The following NREP variants were observed in gnomAD, a reference collection of about 807,000 sequenced individuals.
NREP encodes the protein neuronal regeneration related protein.
NREP carries 5 observed loss-of-function variants against 8.6 expected under a neutral mutation model. That is an observed-to-expected ratio of 0.58 (90% CI 0.30 to 1.22). NREP has a LOEUF of 1.22. NREP is among the 50% of genes most tolerant of loss of function. The pLI is 0.07. For synonymous variants in NREP, 27 were observed against 28.0 expected, an observed-to-expected ratio of 0.96 and a Z score of 0.11; for missense variants, 86 against 82.5, an observed-to-expected ratio of 1.04 and a Z score of -0.17.
At chr5:111,833,647 TGTTTGAA>T (rs1217701239) in intron 2 of NREP, among the ~76,000 whole-genome samples, 1 of 152,194 alleles carries the variant, frequency 6.6e-6, no homozygotes, top group Non-Finnish European at 1.5e-5. Context: ...CTCATCCTAT[TGTTTGAA>T]GTTCTGATGG....
chr5:111,807,892 A>G (rs1260732097), intron 2 of NREP, among the ~76,000 whole-genome samples: 1 of 151,570 alleles, frequency 6.6e-6, no homozygotes, highest in Admixed American at 6.6e-5. Context: ...TGAAGATGGT[A>G]CTTGAAAGAG....
chr5:111,905,410 T>C (rs1406649467), intron 2 of NREP, among the ~76,000 whole-genome samples: 10 of 152,142 alleles, frequency 6.6e-5, no homozygotes, highest in Non-Finnish European at 1.3e-4. Flanking sequence ...TAAATAAGTA[T>C]TGATTTTTAA....
intron 2 of NREP, among the ~76,000 whole-genome samples, chr5:111,741,251 C>T (rs1581053915): frequency 6.6e-6 from 1 of 152,258 alleles, no homozygotes; most frequent in South Asian, 2.1e-4. Context: ...GGGTATATTT[C>T]ATAATCTTTC....
intron 2 of NREP, among the ~76,000 whole-genome samples, chr5:111,932,969 G>T (rs1755582576): frequency 6.6e-6 from 1 of 152,058 alleles, no homozygotes; most frequent in African/African-American, 2.4e-5. Context: ...AAACGGTTCT[G>T]TCCTGGAGCT....
At chr5:111,757,632 A>G (rs1750814925), upstream of NREP, 5 of 982,128 alleles carry the variant, frequency 5.1e-6, no homozygotes, top group Non-Finnish European at 4.8e-6. Context: ...GACACCCCGC[A>G]CCCGCGCCCC....
intron 2 of NREP, among the ~76,000 whole-genome samples, chr5:111,834,203 G>A (rs1371356304): frequency 6.6e-6 from 1 of 152,140 alleles, no homozygotes; most frequent in Admixed American, 6.6e-5. Context: ...TCCTAACTCA[G>A]GAGTCTTATG....
chr5:111,865,915 G>A (rs1476260049), intron 2 of NREP, among the ~76,000 whole-genome samples: 4 of 152,070 alleles, frequency 2.6e-5, no homozygotes, highest in African/African-American at 9.7e-5. Context: ...TGTGACACAG[G>A]TCTAGATCAT....
chr5:111,919,946 A>T (rs1755185430), intron 2 of NREP, among the ~76,000 whole-genome samples: 1 of 144,584 alleles, frequency 6.9e-6, no homozygotes, highest in South Asian at 2.2e-4. Flanking sequence ...ATGTAGTAAA[A>T]GAACTGAATT....
At chr5:111,930,173 G>A (rs903304320) in intron 2 of NREP, among the ~76,000 whole-genome samples, 1 of 152,150 alleles carries the variant, frequency 6.6e-6, no homozygotes, top group African/African-American at 2.4e-5. Context: ...CTCTGATTTA[G>A]CAAGAGCAGA....
intron 2 of NREP, among the ~76,000 whole-genome samples, chr5:111,915,486 C>G (rs868556782): frequency 3.3e-5 from 5 of 152,036 alleles, no homozygotes; most frequent in African/African-American, 1.2e-4. Flanking sequence ...AGAAACAGCA[C>G]AGCATACTCT....
intron 2 of NREP, among the ~76,000 whole-genome samples, chr5:111,834,717 C>T (rs1332049090): frequency 1.3e-5 from 2 of 152,134 alleles, no homozygotes; most frequent in African/African-American, 4.8e-5. Context: ...CAGATTACCT[C>T]CCACTGCTTT....
chr5:111,816,513 C>G lies in NREP; in HGVS notation c.136-81006G>C, dbSNP rs951194761. 2.6e-5 allele frequency among the ~76,000 whole-genome samples: 4 copies of G among 152,092 alleles called. No homozygotes were observed. In the East Asian group the frequency reaches 7.7e-4, roughly 29 times the overall value. ...AAATCCTTTTATTGTCTGAGAAGTA[C>G]TAAAATTACTAACTTATCTTAGAGT... On this transcript the variant is annotated intron_variant, in intron 2 of 3. Coordinates refer to the NREP transcript ENST00000395634.
chr5:111,870,448 T>C (rs897572535), intron 2 of NREP, among the ~76,000 whole-genome samples: 3 of 152,086 alleles, frequency 2.0e-5, no homozygotes, highest in Non-Finnish European at 4.4e-5. Context: ...AAAAAGAAAA[T>C]TAGCACATCA....
intron 2 of NREP, among the ~76,000 whole-genome samples, chr5:111,885,826 A>G (rs1191030159): frequency 6.6e-6 from 1 of 152,224 alleles, no homozygotes; most frequent in African/African-American, 2.4e-5. Context: ...TTAATTCAAG[A>G]TGAATTAAAG....
At chr5:111,763,409 A>G (rs1345678102) in intron 2 of NREP, among the ~76,000 whole-genome samples, 1 of 152,248 alleles carries the variant, frequency 6.6e-6, no homozygotes, top group Non-Finnish European at 1.5e-5. Flanking sequence ...CAAATGTAAG[A>G]TGTGAGGAAC....
intron 2 of NREP, among the ~76,000 whole-genome samples, chr5:111,855,064 C>T (rs554004762): frequency 6.6e-6 from 1 of 151,976 alleles, no homozygotes; most frequent in Non-Finnish European, 1.5e-5. Flanking sequence ...TGAGTGGGTA[C>T]ATTTTTCTAA....
intron 2 of NREP, among the ~76,000 whole-genome samples, chr5:111,902,997 A>G (rs1029025994): frequency 6.6e-6 from 1 of 152,068 alleles, no homozygotes; most frequent in African/African-American, 2.4e-5. Context: ...TGCTTACAAA[A>G]GTGTCCTGAC....
intron 2 of NREP, among the ~76,000 whole-genome samples, chr5:111,875,046 C>T (rs923853086): frequency 6.6e-6 from 1 of 151,972 alleles, no homozygotes; most frequent in Non-Finnish European, 1.5e-5. Flanking sequence ...AGAACTTTTC[C>T]AAAGAGTAGA....
chr5:111,904,358 C>G (rs1283145855), intron 2 of NREP, among the ~76,000 whole-genome samples: 1 of 152,024 alleles, frequency 6.6e-6, no homozygotes, highest in Non-Finnish European at 1.5e-5. Context: ...TCTGTAAATA[C>G]TTAGTATTTA....
Sources: allele counts gnomAD v4.1 joint callset (sites outside exome capture counted in the v4.1 genomes callset), GRCh38; gene constraint gnomAD v4.1.1; transcripts MANE v1.5; gene names NCBI Gene and HGNC (gene_info 2026-07-23, HGNC 2026-07-21).